The following RALGPS1 variants were observed in gnomAD, a reference collection of about 807,000 sequenced individuals.
The protein encoded by RALGPS1 is ras-specific guanine nucleotide-releasing factor RalGPS1.
RALGPS1 carries 19 observed loss-of-function variants against 78.8 expected under a neutral mutation model. That is an observed-to-expected ratio of 0.24 (90% CI 0.17 to 0.35). The LOEUF (loss-of-function observed/expected upper bound fraction) is 0.35, where lower values mean the gene tolerates loss of function less well. Ranked by LOEUF, RALGPS1 falls within the 10% of genes least tolerant of loss-of-function variation. The pLI, the probability that RALGPS1 is intolerant of heterozygous loss-of-function variation, is 1.00. For missense variants in RALGPS1, 454 were observed against 688.3 expected, an observed-to-expected ratio of 0.66 and a Z score of 3.81; for synonymous variants, 228 against 256.3, an observed-to-expected ratio of 0.89 and a Z score of 1.06.
chr9:127,130,502 CCTGA>C (rs1220485509), intron 8 of RALGPS1, among the ~76,000 whole-genome samples: 1 of 152,220 alleles, frequency 6.6e-6, no homozygotes, highest in Non-Finnish European at 1.5e-5. Context: ...TGCCATAGAG[CCTGA>C]CTACTAATAG....
chr9:126,923,489 A>G (rs1384399631), intron 1 of RALGPS1, among the ~76,000 whole-genome samples: 1 of 152,186 alleles, frequency 6.6e-6, no homozygotes, highest in Admixed American at 6.5e-5. Flanking sequence ...TTGGTTTTAG[A>G]TATTTCAGTT....
At position 127,069,273 on chromosome 9, in the gene RALGPS1, A is replaced by T. The variant is rs770602569; in HGVS notation, c.527A>T (p.Tyr176Phe). 3 of 1,612,780 alleles carry T rather than the reference A, an allele frequency of 1.9e-6. No homozygotes were observed. The highest frequency in any genetic ancestry group is 1.7e-6 in the Non-Finnish European group (2 of 1,178,738). ...AAGACTACCTTTGAGAAATTGGACTACCTGATGTCGAAAGAAGATAATTAC... is the reference window on the plus strand; with the variant it reads ...AAGACTACCTTTGAGAAATTGGACTTCCTGATGTCGAAAGAAGATAATTAC... ...KDKTTFEKLD[Y>F]LMSKEDNYKR... Residue 176 changes from tyrosine to phenylalanine, a missense_variant, in exon 8 of 19, where the codon TAC (tyrosine) becomes TTC (phenylalanine). Physicochemically the swap from Tyr to Phe is conservative, Grantham distance 22 (BLOSUM62 3). Transcript: ENST00000259351.
intron 1 of RALGPS1, among the ~76,000 whole-genome samples, chr9:126,919,393 C>T (rs1253665526): frequency 6.6e-6 from 1 of 152,082 alleles, no homozygotes; most frequent in South Asian, 2.1e-4. Flanking sequence ...GATTAAAGGG[C>T]AATCCATGTA....
intron 8 of RALGPS1, among the ~76,000 whole-genome samples, chr9:127,148,687 CA>C (rs908791123): frequency 1.2e-4 from 18 of 152,162 alleles, no homozygotes; most frequent in African/African-American, 4.1e-4. Context: ...TGTACTACCC[CA>C]GAGAGTAGGG....
At chr9:127,178,021 G>A (rs2059980738) in intron 11 of RALGPS1, 5 of 1,520,186 alleles carry the variant, frequency 3.3e-6, no homozygotes, top group South Asian at 1.2e-5. Context: ...AAAGCATGGC[G>A]AGGCACCCAT....
At chr9:127,171,497 C>T (rs1420727298) in intron 10 of RALGPS1, among the ~76,000 whole-genome samples, 17 of 152,308 alleles carry the variant, frequency 1.1e-4, no homozygotes, top group African/African-American at 3.6e-4. Flanking sequence ...TGCCTGTTCA[C>T]GCCTGTAAGC....
At chr9:127,118,791 C>A (rs1318756780) in intron 8 of RALGPS1, among the ~76,000 whole-genome samples, 1 of 152,208 alleles carries the variant, frequency 6.6e-6, no homozygotes, top group African/African-American at 2.4e-5. Context: ...TGAGACCATT[C>A]CAGATTAAAT....
At chr9:126,966,520 CAAAAAAAA>C (rs756980868) in intron 3 of RALGPS1, among the ~76,000 whole-genome samples, 1 of 53,414 alleles carries the variant, frequency 1.9e-5, no homozygotes, top group Non-Finnish European at 4.0e-5. Flanking sequence ...AACCCTGTCT[CAAAAAAAA>C]AAAAAAAAAA....
At chr9:126,943,975 C>T (rs2037014821) in intron 1 of RALGPS1, among the ~76,000 whole-genome samples, 1 of 152,270 alleles carries the variant, frequency 6.6e-6, no homozygotes, top group African/African-American at 2.4e-5. Context: ...CCAAGGAGAA[C>T]TCAGAGACCC....
At chr9:127,098,849 TTCTC>T (rs1210487186) in intron 8 of RALGPS1, among the ~76,000 whole-genome samples, 2 of 152,212 alleles carry the variant, frequency 1.3e-5, no homozygotes, top group Non-Finnish European at 2.9e-5. Context: ...CTATTTCCAG[TTCTC>T]TCTCTGTGGG....
intron 14 of RALGPS1, among the ~76,000 whole-genome samples, chr9:127,204,185 T>C (rs1264236081): frequency 6.6e-6 from 1 of 152,118 alleles, no homozygotes; most frequent in Non-Finnish European, 1.5e-5. Context: ...TTTTTTGTTT[T>C]AGACAGAGTC....
chr9:127,139,181 G>A (rs763098345), intron 8 of RALGPS1, among the ~76,000 whole-genome samples: 3 of 152,162 alleles, frequency 2.0e-5, no homozygotes, highest in Admixed American at 6.5e-5. Flanking sequence ...GGTGGGTCAC[G>A]TAGTCCTGTG....
chr9:127,023,184 C>T (rs1329069701), intron 4 of RALGPS1, among the ~76,000 whole-genome samples: 1 of 152,186 alleles, frequency 6.6e-6, no homozygotes, highest in African/African-American at 2.4e-5. Flanking sequence ...TGGCAGCTCC[C>T]AGAAGGCTTG....
intron 8 of RALGPS1, among the ~76,000 whole-genome samples, chr9:127,155,431 T>G (rs1489257639): frequency 1.3e-5 from 2 of 152,090 alleles, no homozygotes; most frequent in African/African-American, 2.4e-5. Flanking sequence ...AGGAAACCCC[T>G]CTGCTGAGGC....
Position 127,216,929 on chromosome 9 carries a change from A to C in RALGPS1, c.1645-1811A>C, listed in dbSNP as rs892375466. ...AGGAAGCCGGAGCAGCTCCAGGTCC[A>C]ACAGGAACTGACAGCCACGAGGTGG... On this transcript the variant is annotated intron_variant, in intron 18 of 18. Coordinates refer to ENST00000259351, the MANE Select transcript of RALGPS1 (RefSeq NM_014636.3). 2.6e-6 allele frequency: 4 copies of C among 1,547,768 alleles called. No individual in the cohort carries two copies. The African/African-American group carries it at 5.5e-5, about 21-fold the overall frequency.
At chr9:127,077,479 G>T (rs1487899323) in intron 8 of RALGPS1, among the ~76,000 whole-genome samples, 2 of 152,188 alleles carry the variant, frequency 1.3e-5, no homozygotes, top group Non-Finnish European at 2.9e-5. Context: ...AGCAAGCAAG[G>T]GTGGGATCAA....
At chr9:127,168,605 A>T in intron 9 of RALGPS1, 74 bp from the exon 10 acceptor site, 4 of 1,046,356 alleles carry the variant, frequency 3.8e-6, no homozygotes, top group Non-Finnish European at 6.0e-6. Context: ...TAAAATCATG[A>T]TTTCTATACT....
chr9:126,963,462 A>G (rs1218621161), intron 2 of RALGPS1, among the ~76,000 whole-genome samples: 2 of 152,264 alleles, frequency 1.3e-5, no homozygotes, highest in South Asian at 2.1e-4. Flanking sequence ...TATCCAGCAC[A>G]AGGTAAGTAC....
chr9:127,136,012 A>G, intron 8 of RALGPS1, among the ~76,000 whole-genome samples: 1 of 152,220 alleles, frequency 6.6e-6, no homozygotes, highest in Admixed American at 6.5e-5. Flanking sequence ...GCAACATAGC[A>G]TAGTCGGGGA....
Sources: allele counts gnomAD v4.1 joint callset (sites outside exome capture counted in the v4.1 genomes callset), GRCh38; gene constraint gnomAD v4.1.1; transcripts MANE v1.5; gene names NCBI Gene and HGNC (gene_info 2026-07-23, HGNC 2026-07-21).